FAM168A: variants seen among roughly 807,000 people sequenced by gnomAD.
FAM168A encodes the protein protein FAM168A.
A neutral mutation model predicts 28.5 loss-of-function variants in FAM168A; 3 were observed. The ratio of observed to expected loss-of-function variants is 0.11; its 90% confidence interval spans 0.05 to 0.27. The LOEUF (loss-of-function observed/expected upper bound fraction) is 0.27, where lower values mean the gene tolerates loss of function less well. Among genes scored for constraint, FAM168A ranks in the 10% least tolerant of loss-of-function variants. The probability of loss-of-function intolerance (pLI) is 1.00; values close to 1 mark genes in which losing one functional copy is unlikely to be tolerated. For missense variants in FAM168A, 222 were observed against 311.5 expected, an observed-to-expected ratio of 0.71 and a Z score of 2.16; for synonymous variants, 122 against 124.2, an observed-to-expected ratio of 0.98 and a Z score of 0.12.
In FAM168A at chr11:73,403,363, A is replaced by C. The variant is rs1043282514; in HGVS notation, c.*3400T>G. 1.3e-5 allele frequency: 2 copies of C among 152,232 alleles called. No individual in the cohort carries two copies. The allele number at this position is 152,232 out of a possible 1,614,324, so 9.4% of individuals were successfully genotyped here. Reference sequence around the variant, plus strand: ...TGAGGAGAGGGGGTCAGGTAGAAGTAGAAGAATTCAAAAGGGTTGGCTGGT... The same window carrying C: ...TGAGGAGAGGGGGTCAGGTAGAAGTCGAAGAATTCAAAAGGGTTGGCTGGT... On this transcript the variant is annotated 3_prime_UTR_variant, in exon 8 of 8. Coordinates refer to ENST00000356467, the MANE Select transcript of FAM168A (RefSeq NM_015159.3).
At position 73,418,909 on chromosome 11, in the gene FAM168A, T is replaced by C. The variant is rs545680610; in HGVS notation, c.277+965A>G. 1.8e-4 allele frequency among the ~76,000 whole-genome samples: 27 copies of C among 151,682 alleles called. No individual in the cohort carries two copies. In the East Asian group the frequency reaches 3.5e-3, roughly 20 times the overall value. ...CTGCAAGCTCCGCCTCCCGGGTTCA[T>C]GCCATTCTCCTGCCTCAGCCTCCTG... On this transcript the variant is annotated intron_variant, in intron 4 of 7. Transcript: ENST00000356467.
intron 1 of FAM168A, among the ~76,000 whole-genome samples, chr11:73,502,493 C>T (rs1400555444): frequency 6.6e-6 from 1 of 152,136 alleles, no homozygotes; most frequent in Non-Finnish European, 1.5e-5. Flanking sequence ...GAAATTGAGG[C>T]AGTAATTAAT....
At chr11:73,544,891 A>G (rs1194021300) in intron 1 of FAM168A, among the ~76,000 whole-genome samples, 975 of 93,030 alleles carry the variant, frequency 0.01, 29 homozygotes, top group African/African-American at 0.045. Context: ...TATATAAAAT[A>G]TAAAATATAT....
chr11:73,546,371 CAACT>C (rs1943752698), intron 1 of FAM168A, among the ~76,000 whole-genome samples: 2 of 152,202 alleles, frequency 1.3e-5, no homozygotes. Context: ...GACTAATTTA[CAACT>C]GACTAACCAA....
chr11:73,574,967 A>G (rs2134726563), intron 1 of FAM168A, among the ~76,000 whole-genome samples: 1 of 149,258 alleles, frequency 6.7e-6, no homozygotes, highest in East Asian at 1.9e-4. Flanking sequence ...GGAAACCAAC[A>G]TATTACAGTC....
chr11:73,551,534 CT>C (rs1461640581), intron 1 of FAM168A, among the ~76,000 whole-genome samples: 3 of 152,202 alleles, frequency 2.0e-5, no homozygotes, highest in Non-Finnish European at 2.9e-5. Flanking sequence ...AACTGCACTC[CT>C]TTATTCAATA....
intron 1 of FAM168A, among the ~76,000 whole-genome samples, chr11:73,559,619 C>T (rs1943933636): frequency 6.6e-6 from 1 of 152,022 alleles, no homozygotes; most frequent in African/African-American, 2.4e-5. Context: ...TTAGTTGCCG[C>T]CAGGGGCTAG....
chr11:73,505,879 C>T (rs1855107379), intron 1 of FAM168A, among the ~76,000 whole-genome samples: 1 of 152,194 alleles, frequency 6.6e-6, no homozygotes, highest in Admixed American at 6.5e-5. Context: ...GAGACACTGA[C>T]TTCCATTCTT....
At chr11:73,575,179 C>T (rs368128492) in intron 1 of FAM168A, among the ~76,000 whole-genome samples, 69 of 152,314 alleles carry the variant, frequency 4.5e-4, no homozygotes, top group African/African-American at 1.6e-3. Flanking sequence ...CCAGTGACTA[C>T]GCCATGCTTT....
chr11:73,584,178 C>CT (rs536773551), intron 1 of FAM168A, among the ~76,000 whole-genome samples: 58 of 146,962 alleles, frequency 3.9e-4, no homozygotes, highest in South Asian at 6.5e-4. Context: ...CATTCACTGA[C>CT]TTTTTTTTTT....
intron 1 of FAM168A, among the ~76,000 whole-genome samples, chr11:73,472,107 G>A (rs1047564396): frequency 1.3e-5 from 2 of 151,948 alleles, no homozygotes; most frequent in South Asian, 2.1e-4. Context: ...CCCTCTCCCC[G>A]CCCCATCTCC....
At chr11:73,542,633 G>T (rs567982613) in intron 1 of FAM168A, among the ~76,000 whole-genome samples, 46 of 152,140 alleles carry the variant, frequency 3.0e-4, no homozygotes, top group African/African-American at 1.0e-3. Flanking sequence ...ATAAAGTTTG[G>T]AGCATGTAAC....
chr11:73,501,311 C>T (rs112626802), intron 1 of FAM168A, among the ~76,000 whole-genome samples: 11,779 of 152,198 alleles, frequency 0.077, 565 homozygotes, highest in Admixed American at 0.11. Context: ...CAAGGATATT[C>T]GGGACTTGAA....
rs1025529189 is a variant in FAM168A at position 73,406,335 on chromosome 11, C to T, written c.*428G>A. 8 of 152,194 alleles carry T rather than the reference C, an allele frequency of 5.3e-5. No individual in the cohort carries two copies. The highest frequency in any genetic ancestry group is 1.9e-4 in the African/African-American group (8 of 41,430). 9.4% of individuals were successfully genotyped at this position (152,194 alleles called of 1,614,324 possible). The stretch of plus-strand genomic sequence containing the variant: ...CACTCCCCTAGAGATGTAGCCTGCT[C>T]AACAGCTCTGAGTTCCTACCCTGGA... On this transcript the variant is annotated 3_prime_UTR_variant, in exon 8 of 8. Transcript: ENST00000356467.
At position 73,430,786 on chromosome 11, in the gene FAM168A, A is replaced by G; in HGVS notation, c.71-16T>C. 4 of 1,563,136 alleles carry G rather than the reference A, an allele frequency of 2.6e-6. No individual in the cohort carries two copies. The highest frequency in any genetic ancestry group is 3.5e-6 in the Non-Finnish European group (4 of 1,156,480). On this transcript the variant is annotated splice_polypyrimidine_tract_variant and intron_variant, in intron 2 of 7. Coordinates refer to ENST00000356467, the MANE Select transcript of FAM168A (RefSeq NM_015159.3). ...GTGGGGTAACCTACAGAGAGATAAG[A>G]AAAGGCTTATTTAGTTAGGCAAAAA...
chr11:73,446,877 C>T (rs1389533650), intron 2 of FAM168A, among the ~76,000 whole-genome samples: 1 of 152,178 alleles, frequency 6.6e-6, no homozygotes, highest in East Asian at 1.9e-4. Context: ...AAAATGCCAA[C>T]CTATCCATCA....
chr11:73,597,341 G>A (rs758994644), intron 1 of FAM168A, among the ~76,000 whole-genome samples: 1 of 151,776 alleles, frequency 6.6e-6, no homozygotes, highest in East Asian at 1.9e-4. Flanking sequence ...TCAAGCTTGG[G>A]TCTCAACCCA....
chr11:73,413,183 CAGG>C lies in FAM168A; in HGVS notation c.278-1650_278-1648del, dbSNP rs142204847. 5.1e-3 allele frequency among the ~76,000 whole-genome samples: 771 copies of C among 152,244 alleles called. 7 individuals are homozygous for C. Among genetic ancestry groups the C allele is most frequent in the African/African-American group, 0.018 (738 of 41,512 alleles). On this transcript the variant is annotated intron_variant, in intron 4 of 7. Coordinates refer to ENST00000356467, the MANE Select transcript of FAM168A (RefSeq NM_015159.3). ...TAGCACCCCCCTGCCCCTGATGACT[CAGG>C]AGGATAGGAGAGCTGCTGCACAGCT...
chr11:73,585,135 C>T (rs1466747127), intron 1 of FAM168A, among the ~76,000 whole-genome samples: 2 of 152,186 alleles, frequency 1.3e-5, no homozygotes, highest in Non-Finnish European at 2.9e-5. Context: ...CCAATAAAGT[C>T]AGCGCTTAAT....
Sources: allele counts gnomAD v4.1 joint callset (sites outside exome capture counted in the v4.1 genomes callset), GRCh38; gene constraint gnomAD v4.1.1; transcripts MANE v1.5; gene names NCBI Gene and HGNC (gene_info 2026-07-23, HGNC 2026-07-21).